Variants in DOCK3 observed in about 807,000 individuals in gnomAD.
DOCK3 encodes dedicator of cytokinesis protein 3.
A neutral mutation model predicts 265.6 loss-of-function variants in DOCK3; 60 were observed. The observed-to-expected ratio is 0.23, with a 90% CI of 0.18 to 0.28. The LOEUF (loss-of-function observed/expected upper bound fraction) is 0.28, where lower values mean the gene tolerates loss of function less well. DOCK3 is among the 10% of genes least tolerant of loss of function. The probability of loss-of-function intolerance (pLI) is 1.00; values close to 1 mark genes in which losing one functional copy is unlikely to be tolerated. For missense variants in DOCK3, 1,981 were observed against 2,594.3 expected (o/e 0.76, Z 5.14); for synonymous variants, 881 against 938.0 (o/e 0.94, Z 1.11).
chr3:51,187,392 T>C (rs142876081), intron 12 of DOCK3, among the ~76,000 whole-genome samples: 49 of 152,358 alleles, frequency 3.2e-4, no homozygotes, highest in African/African-American at 1.1e-3. Context: ...ACTAACTTGC[T>C]TGTGATTTTA....
At chr3:50,877,974 G>C (rs1401441162) in intron 3 of DOCK3, among the ~76,000 whole-genome samples, 1 of 152,218 alleles carries the variant, frequency 6.6e-6, no homozygotes, top group Non-Finnish European at 1.5e-5. Flanking sequence ...AATATTTGCT[G>C]TTCTGCAGCC....
At chr3:51,288,555 T>C (rs2081547355) in intron 27 of DOCK3, among the ~76,000 whole-genome samples, 1 of 152,068 alleles carries the variant, frequency 6.6e-6, no homozygotes, top group South Asian at 2.1e-4. Flanking sequence ...ATGCTCAATT[T>C]ACCTATATAA....
intron 9 of DOCK3, among the ~76,000 whole-genome samples, chr3:51,102,082 C>T (rs1055430756): frequency 1.6e-4 from 25 of 152,130 alleles, no homozygotes; most frequent in African/African-American, 5.6e-4. Context: ...TATCTGAAAA[C>T]GTGGTACTTG....
intron 2 of DOCK3, among the ~76,000 whole-genome samples, chr3:50,779,157 G>A (rs2041778114): frequency 6.6e-6 from 1 of 151,552 alleles, no homozygotes; most frequent in African/African-American, 2.4e-5. Flanking sequence ...ATAAATTATT[G>A]CTGACTGTAG....
At chr3:51,035,563 G>A (rs1284574605) in intron 5 of DOCK3, among the ~76,000 whole-genome samples, 1 of 152,034 alleles carries the variant, frequency 6.6e-6, no homozygotes, top group Non-Finnish European at 1.5e-5. Context: ...TCATCTCAGG[G>A]TTGACATCTG....
At chr3:50,978,867 G>A (rs929616501) in intron 5 of DOCK3, among the ~76,000 whole-genome samples, 3 of 152,298 alleles carry the variant, frequency 2.0e-5, no homozygotes, top group East Asian at 1.9e-4. Context: ...TTTTAAGCCC[G>A]TCGGAAAAGC....
At chr3:51,239,027 A>T (rs1405335077) in intron 21 of DOCK3, among the ~76,000 whole-genome samples, 1 of 152,080 alleles carries the variant, frequency 6.6e-6, no homozygotes, top group Non-Finnish European at 1.5e-5. Context: ...TCTTTGAGAA[A>T]TTGCCACACC....
intron 5 of DOCK3, among the ~76,000 whole-genome samples, chr3:50,984,154 C>T (rs368951396): frequency 4.6e-5 from 7 of 152,290 alleles, no homozygotes; most frequent in African/African-American, 9.6e-5. Context: ...ATGAGCCAAG[C>T]GCAGCCTGCC....
intron 1 of DOCK3, among the ~76,000 whole-genome samples, chr3:50,751,847 G>C (rs1356084167): frequency 6.6e-6 from 1 of 152,162 alleles, no homozygotes; most frequent in Non-Finnish European, 1.5e-5. Flanking sequence ...CTTCTCACAT[G>C]ATGGTAGGTG....
intron 41 of DOCK3, 47 bp from the exon 42 acceptor site, chr3:51,356,042 A>G: frequency 6.2e-7 from 1 of 1,611,500 alleles, no homozygotes; most frequent in Non-Finnish European, 8.5e-7. Flanking sequence ...TCAGCCTCTC[A>G]GGCCCAGCTC....
chr3:51,350,433 C>A, intron 40 of DOCK3, 41 bp downstream of exon 40: 1 of 1,582,766 alleles, frequency 6.3e-7, no homozygotes, highest in Non-Finnish European at 8.6e-7. Context: ...ATATATTTTA[C>A]GCATAATTCA....
At chr3:50,752,693 A>G (rs1406416385) in intron 1 of DOCK3, among the ~76,000 whole-genome samples, 2 of 152,042 alleles carry the variant, frequency 1.3e-5, no homozygotes, top group Non-Finnish European at 2.9e-5. Flanking sequence ...CAGGAGAATC[A>G]TTTGAACCCA....
intron 26 of DOCK3, chr3:51,278,369 T>C: frequency 1.0e-6 from 1 of 985,202 alleles, no homozygotes; most frequent in East Asian, 1.1e-4. Context: ...AACTCCAGAG[T>C]AGACTTACTT....
At chr3:51,060,698 G>C (rs2081379706) in intron 5 of DOCK3, among the ~76,000 whole-genome samples, 1 of 152,110 alleles carries the variant, frequency 6.6e-6, no homozygotes, top group Admixed American at 6.5e-5. Context: ...AAGATCAGAT[G>C]GTTGTAGATA....
intron 27 of DOCK3, among the ~76,000 whole-genome samples, chr3:51,308,736 C>T (rs1214520253): frequency 2.6e-5 from 4 of 152,236 alleles, no homozygotes; most frequent in Non-Finnish European, 4.4e-5. Context: ...CTGTTGGGTA[C>T]ACCTCCCAGA....
chr3:50,949,572 T>C (rs959663998), intron 5 of DOCK3, among the ~76,000 whole-genome samples: 8 of 152,238 alleles, frequency 5.3e-5, no homozygotes, highest in Non-Finnish European at 1.5e-5. Flanking sequence ...TATCTTTTCC[T>C]TAAACATTTG....
chr3:50,865,460 T>C (rs1475593427), intron 3 of DOCK3, among the ~76,000 whole-genome samples: 1 of 152,216 alleles, frequency 6.6e-6, no homozygotes, highest in Non-Finnish European at 1.5e-5. Flanking sequence ...GTTTCATCCA[T>C]GTTGTTGCAA....
intron 4 of DOCK3, among the ~76,000 whole-genome samples, chr3:50,902,947 G>T (rs1250545809): frequency 1.3e-5 from 2 of 152,174 alleles, no homozygotes; most frequent in Non-Finnish European, 2.9e-5. Flanking sequence ...GTGAATGAGA[G>T]TTCATTCATG....
chr3:50,913,165 T>C (rs1211193208), intron 4 of DOCK3, among the ~76,000 whole-genome samples: 1 of 151,952 alleles, frequency 6.6e-6, no homozygotes, highest in African/African-American at 2.4e-5. Context: ...AGTTAGCAGG[T>C]GATCAATTTA....
Sources: allele counts gnomAD v4.1 joint callset (sites outside exome capture counted in the v4.1 genomes callset), GRCh38; gene constraint gnomAD v4.1.1; transcripts MANE v1.5; gene names NCBI Gene and HGNC (gene_info 2026-07-23, HGNC 2026-07-21).